The following CENPT variants were observed in gnomAD, a reference collection of about 807,000 sequenced individuals.
The protein encoded by CENPT is centromere protein T, also known as interphase centromere complex protein 22.
Under a neutral mutation model 59.7 loss-of-function variants are expected in CENPT, and 42 were observed. The observed-to-expected ratio is 0.70, with a 90% CI of 0.55 to 0.91. The LOEUF is 0.91. Among genes scored for constraint, CENPT ranks in the 40% least tolerant of loss-of-function variants. CENPT has a pLI of 0.00. For synonymous variants in CENPT, 295 were observed against 289.6 expected (o/e 1.02, Z -0.19); for missense variants, 716 against 713.4 (o/e 1.00, Z -0.04).
chr16:67,843,261 G>C lies in CENPT; in HGVS notation c.-492+4140C>G. The C allele has an allele frequency of 6.2e-7, 1 of 1,613,094 alleles. No homozygotes were observed. The highest frequency in any genetic ancestry group is 8.5e-7 in the Non-Finnish European group (1 of 1,179,710). On this transcript the variant is annotated intron_variant, in intron 1 of 15. Transcript: ENST00000562787. This position sits in a 1 kb window ranked among gnomAD's most constrained non-coding sequence, Gnocchi z 5.7. ...CAGTTGGTGGTGGTAGGGGAAGAGG[G>C]CTTCCCTGATACTGGCTCCGACCAT...
At position 67,828,649 on chromosome 16, in the gene CENPT, C is replaced by T. The variant is rs755650297; in HGVS notation, c.1457+18G>A. On this transcript the variant is annotated intron_variant, in intron 14 of 15. Coordinates refer to ENST00000562787, the MANE Select transcript of CENPT (RefSeq NM_025082.4). ...ACCCGAGGGGTTCCTCTCCCTACCC[C>T]ATGTGCCCAGGACTCACCACTTCTC... is the stretch of plus-strand genomic sequence containing the variant. 1.2e-5 allele frequency: 19 copies of T among 1,614,034 alleles called. No homozygotes were observed. The African/African-American group carries it at 1.9e-4, about 16-fold the overall frequency.
At chr16:67,836,896 C>T (rs1170853359) in intron 1 of CENPT, among the ~76,000 whole-genome samples, 1 of 152,132 alleles carries the variant, frequency 6.6e-6, no homozygotes, top group East Asian at 1.9e-4. Flanking sequence ...CGCCCACTAC[C>T]ACGCCCGGCT....
intron 1 of CENPT, among the ~76,000 whole-genome samples, chr16:67,844,765 C>A (rs532411904): frequency 6.7e-6 from 1 of 150,280 alleles, no homozygotes; most frequent in African/African-American, 2.4e-5. Flanking sequence ...GACTCATTTT[C>A]TTGGCTGCCT....
Position 67,829,824 on chromosome 16 carries a change from G to C in CENPT, c.1127C>G (p.Thr376Ser). The change falls in exon 12 of 16, where the codon ACT becomes AGT. Residue 376 changes from threonine (T) to serine (S), a missense_variant. Transcript: ENST00000562787. ...EVTEAEGSQG[T>S]AEADGPGASS... is the part of the protein sequence containing the mutation. ...TGCTCCTGGCCCGTCAGCCTCAGCA[G>C]TCCCCTGGGATCCCTCTGCTTCTGT... is the stretch of plus-strand genomic sequence containing the variant. The C allele has an allele frequency of 6.2e-7, 1 of 1,614,248 alleles. No individual in the cohort carries two copies. The highest frequency in any genetic ancestry group is 2.2e-5 in the East Asian group (1 of 44,888).
chr16:67,833,885 C>A lies in CENPT; in HGVS notation c.-26G>T. The A allele has an allele frequency of 7.0e-7, 1 of 1,426,424 alleles. No homozygotes were observed. The highest frequency in any genetic ancestry group is 3.1e-5 in the Admixed American group (1 of 32,708). The allele number at this position is 1,426,424 out of a possible 1,614,324, so 88.4% of individuals were successfully genotyped here. On this transcript the variant is annotated 5_prime_UTR_variant, in exon 4 of 16. Coordinates refer to ENST00000562787, the MANE Select transcript of CENPT (RefSeq NM_025082.4). ...CGTCTCGGCCCCGGGCCCTCCTAAC[C>A]GCCCAGCCAGCTGCAGGCTCCGCCT... is the stretch of plus-strand genomic sequence containing the variant.
intron 3 of CENPT, among the ~76,000 whole-genome samples, chr16:67,834,850 G>GT (rs768796302): frequency 2.5e-4 from 38 of 151,766 alleles, no homozygotes; most frequent in East Asian, 3.9e-4. Context: ...AAAAATTGGG[G>GT]TTTTTTTTGA....
Position 67,831,319 on chromosome 16 carries a change from C to T in CENPT, c.600G>A (p.Gln200=), listed in dbSNP as rs369461786. 5 of 1,614,208 alleles carry T rather than the reference C, an allele frequency of 3.1e-6. No individual in the cohort carries two copies. The African/African-American group carries it at 6.7e-5, about 22-fold the overall frequency. ...NLTFATPLQP[Q]SVQRPGLARR... is the part of the protein sequence containing the mutation. Reference sequence around the variant, plus strand: ...GGGCCAAGCCAGGCCTCTGCACTGACTGTGGCTGAAGAGGTGTGGCAAAGG... The same window carrying T: ...GGGCCAAGCCAGGCCTCTGCACTGATTGTGGCTGAAGAGGTGTGGCAAAGG... The change falls in exon 10 of 16, where the codon CAG becomes CAA. Residue 200 remains glutamine (Q), a synonymous_variant. Transcript: ENST00000562787.
At position 67,843,195 on chromosome 16, in the gene CENPT, C is replaced by G. The variant is rs748313428; in HGVS notation, c.-492+4206G>C. ...GCCGCCGCGTCGGAGTTACAGGCTGCTACCGCAGGGCTGGAGGCTGCCGAG... is the reference window on the plus strand; with the variant it reads ...GCCGCCGCGTCGGAGTTACAGGCTGGTACCGCAGGGCTGGAGGCTGCCGAG... On this transcript the variant is annotated intron_variant, in intron 1 of 15. Coordinates refer to ENST00000562787, the MANE Select transcript of CENPT (RefSeq NM_025082.4). The surrounding 1 kb of genome is among the most constrained non-coding windows in gnomAD (Gnocchi z 5.7). The G allele has an allele frequency of 6.2e-7, 1 of 1,611,498 alleles. No homozygotes were observed. The highest frequency in any genetic ancestry group is 1.1e-5 in the South Asian group (1 of 91,080).
intron 1 of CENPT, chr16:67,841,436 T>G (rs2057760505): frequency 6.6e-6 from 1 of 152,190 alleles, no homozygotes; most frequent in Non-Finnish European, 1.5e-5. Flanking sequence ...CCATGTGGCC[T>G]TACAGACTGG....
chr16:67,832,695 C>T (rs2057705227), intron 4 of CENPT, 150 bp from the exon 5 acceptor site: 1 of 649,946 alleles, frequency 1.5e-6, no homozygotes, highest in South Asian at 1.9e-5. Flanking sequence ...CGCCCCTGTT[C>T]CCAGCCCTAT....
chr16:67,842,340 G>T lies in CENPT; in HGVS notation c.-492+5061C>A. ...TCCCCGGGGCCCACTCCCGAGCGCAGGCGGGCAGCCAGGCGGGCGGCGCGG... is the reference window on the plus strand; with the variant it reads ...TCCCCGGGGCCCACTCCCGAGCGCATGCGGGCAGCCAGGCGGGCGGCGCGG... On this transcript the variant is annotated intron_variant, in intron 1 of 15. Transcript: ENST00000562787. The surrounding 1 kb of genome is among the most constrained non-coding windows in gnomAD (Gnocchi z 4.9). The T allele has an allele frequency of 5.2e-6, 1 of 192,808 alleles. No homozygotes were observed. Among genetic ancestry groups the T allele is most frequent in the Non-Finnish European group, 1.0e-5 (1 of 97,884 alleles). The allele number at this position is 192,808 out of a possible 1,614,324, so 11.9% of individuals were successfully genotyped here.
intron 9 of CENPT, 27 bp downstream of exon 9, chr16:67,831,549 C>A: frequency 6.2e-7 from 1 of 1,613,484 alleles, no homozygotes; most frequent in South Asian, 1.1e-5. Context: ...CACCCACTCC[C>A]AGAACAGGAA....
intron 11 of CENPT, 130 bp downstream of exon 11, chr16:67,830,260 T>C (rs759484858): frequency 1.4e-5 from 18 of 1,292,348 alleles, no homozygotes; most frequent in South Asian, 4.0e-5. Flanking sequence ...TGGACTCTGC[T>C]CTTGGATGAA....
In CENPT at chr16:67,829,484, A is replaced by T; in HGVS notation, c.1219T>A (p.Ser407Thr). Reference sequence around the variant, plus strand: ...TGATGATGTCGCCTGGCCTGGAGAGACTCAGGGGTGCTGGAGGCCGACTCT... The same window carrying T: ...TGATGATGTCGCCTGGCCTGGAGAGTCTCAGGGGTGCTGGAGGCCGACTCT... ...SPESASSTPESLQARRHHQFL... is the reference protein window; with the variant it reads ...SPESASSTPETLQARRHHQFL... The change falls in exon 13 of 16, where the codon TCT becomes ACT. Residue 407 changes from serine (S) to threonine (T), a missense_variant. Ser to Thr is a moderately conservative substitution (Grantham distance 58). Transcript: ENST00000562787. 1 of 1,591,430 alleles carries T rather than the reference A, an allele frequency of 6.3e-7. No individual in the cohort carries two copies. The highest frequency in any genetic ancestry group is 1.1e-5 in the South Asian group (1 of 87,428).
At chr16:67,839,064 A>C (rs375040633) in intron 1 of CENPT, among the ~76,000 whole-genome samples, 8 of 152,126 alleles carry the variant, frequency 5.3e-5, no homozygotes, top group Admixed American at 1.3e-4. Context: ...TAGCCTGCCC[A>C]ACATGTTGAA....
rs2057774085 is a variant in CENPT, at chr16:67,842,920, A to AG, written c.-492+4480_-492+4481insC. The AG allele has an allele frequency of 3.0e-5, 48 of 1,579,814 alleles. No homozygotes were observed. Among genetic ancestry groups the AG allele is most frequent in the African/African-American group, 2.6e-4 (19 of 71,996 alleles). On this transcript the variant is annotated intron_variant, in intron 1 of 15. Transcript: ENST00000562787. The surrounding 1 kb of genome is among the most constrained non-coding windows in gnomAD (Gnocchi z 4.9). ...AGCAGCAACAGCAGCAGCAGCAGCA[A>AG]CAGCAGCAGCAGCAGCAGCAGCAGC...
rs148189478 is a variant in CENPT at position 67,834,518 on chromosome 16, C to T, written c.-241-418G>A. 1.2e-4 allele frequency among the ~76,000 whole-genome samples: 19 copies of T among 152,180 alleles called. No homozygotes were observed. The East Asian group carries it at 3.7e-3, about 29-fold the overall frequency. On this transcript the variant is annotated intron_variant, in intron 3 of 15. Transcript: ENST00000562787. ...CCTGTAGTCCCAGATAATGGGGAGG[C>T]TGAGGCAGGAGCATTGCTTGAGCCC...
intron 1 of CENPT, among the ~76,000 whole-genome samples, chr16:67,836,699 G>A (rs1018654104): frequency 4.0e-5 from 6 of 151,884 alleles, no homozygotes; most frequent in African/African-American, 1.4e-4. Context: ...TGAGCCTCTC[G>A]AGTAGCTGGG....
chr16:67,830,297 A>G, intron 11 of CENPT, 93 bp downstream of exon 11: 1 of 1,471,082 alleles, frequency 6.8e-7, no homozygotes, highest in Non-Finnish European at 9.2e-7. Flanking sequence ...AGGGTGCTCT[A>G]GGGGCACAGA....
Sources: gnomAD v4.1 joint callset for allele counts (sites outside exome capture counted in the v4.1 genomes callset) on GRCh38, gnomAD v4.1.1 for gene constraint, Gnocchi (gnomAD v3.1) non-coding constraint, MANE v1.5 for transcripts, NCBI Gene and HGNC (gene_info 2026-07-23, HGNC 2026-07-21) for gene names.